Variants in PCMT1 observed in about 807,000 individuals in gnomAD.
PCMT1 encodes protein-L-isoaspartate (D-aspartate) O-methyltransferase.
PCMT1 carries 9 observed loss-of-function variants against 29.2 expected under a neutral mutation model. That is an observed-to-expected ratio of 0.31 (90% CI 0.19 to 0.54). The LOEUF (loss-of-function observed/expected upper bound fraction) is 0.54. Ranked by LOEUF, PCMT1 falls within the 20% of genes least tolerant of loss-of-function variation. The pLI is 0.95. For missense variants in PCMT1, 184 were observed against 282.2 expected, an observed-to-expected ratio of 0.65 and a Z score of 2.49; for synonymous variants, 98 against 97.5, an observed-to-expected ratio of 1.00 and a Z score of -0.03.
intron 6 of PCMT1, among the ~76,000 whole-genome samples, chr6:149,801,757 A>G (rs982589536): frequency 4.6e-5 from 7 of 152,060 alleles, no homozygotes; most frequent in Non-Finnish European, 8.8e-5. Context: ...CTTAATTTGT[A>G]TATACTAAAT....
At chr6:149,785,615 G>C (rs1439597561) in intron 3 of PCMT1, among the ~76,000 whole-genome samples, 57 of 152,038 alleles carry the variant, frequency 3.7e-4, no homozygotes, top group Non-Finnish European at 3.5e-4. Context: ...GACTCTTAAC[G>C]AGCACGCTGC....
In PCMT1 at chr6:149,749,820, G is replaced by A; in HGVS notation, c.-82G>A. On this transcript the variant is annotated 5_prime_UTR_variant, in exon 1 of 8. Coordinates refer to ENST00000464889, the MANE Select transcript of PCMT1 (RefSeq NM_001360452.2). ...CGAGCGGGGCGGTGACGGTGTGGGA[G>A]GTGGTCTCACTCTTGGGAAAACTGC... 1 of 1,558,224 alleles carries A rather than the reference G, an allele frequency of 6.4e-7. No individual in the cohort carries two copies. The highest frequency in any genetic ancestry group is 8.7e-7 in the Non-Finnish European group (1 of 1,150,430).
Position 149,796,459 on chromosome 6 carries a change from G to A in PCMT1, c.463G>A (p.Ala155Thr). Residue 155 changes from alanine to threonine, a missense_variant, in exon 6 of 8, where the codon GCC (alanine) becomes ACC (threonine). Physicochemically the swap from Ala to Thr is moderately conservative, Grantham distance 58 (BLOSUM62 0). Transcript: ENST00000464889. ...MGYAEEAPYD[A>T]IHVGAAAPVV... ...ATATGCTGAAGAAGCCCCTTATGATGCCATTCATGTGGGAGCTGCAGCCCC... is the reference window on the plus strand; with the variant it reads ...ATATGCTGAAGAAGCCCCTTATGATACCATTCATGTGGGAGCTGCAGCCCC... 1 of 1,613,826 alleles carries A rather than the reference G, an allele frequency of 6.2e-7. No individual in the cohort carries two copies.
intron 7 of PCMT1, among the ~76,000 whole-genome samples, chr6:149,808,566 T>C (rs969239287): frequency 6.6e-6 from 1 of 152,096 alleles, no homozygotes; most frequent in African/African-American, 2.4e-5. Flanking sequence ...GTACCTATGT[T>C]GTTGAGGGGG....
intron 1 of PCMT1, among the ~76,000 whole-genome samples, chr6:149,760,844 C>T (rs1484727665): frequency 6.6e-6 from 1 of 151,960 alleles, no homozygotes; most frequent in Non-Finnish European, 1.5e-5. Context: ...AGCAAGACTC[C>T]GTCTCAAAAA....
At chr6:149,798,232 A>C (rs1788694141) in intron 6 of PCMT1, 1 of 151,936 alleles carries the variant, frequency 6.6e-6, no homozygotes, top group Non-Finnish European at 1.5e-5. Context: ...GTATTAATAT[A>C]ATGTAGAAAA....
intron 7 of PCMT1, among the ~76,000 whole-genome samples, chr6:149,804,856 A>G (rs867143288): frequency 6.6e-6 from 1 of 151,988 alleles, no homozygotes; most frequent in African/African-American, 2.4e-5. Context: ...TTAACTTCAT[A>G]AAAAGGTTCC....
chr6:149,754,889 C>T (rs1445745073), intron 1 of PCMT1, among the ~76,000 whole-genome samples: 4 of 152,038 alleles, frequency 2.6e-5, no homozygotes, highest in African/African-American at 9.7e-5. Flanking sequence ...AATAATGGAC[C>T]CAAAGTGCAA....
At chr6:149,782,156 T>G (rs1787840437) in intron 3 of PCMT1, among the ~76,000 whole-genome samples, 1 of 152,186 alleles carries the variant, frequency 6.6e-6, no homozygotes, top group Admixed American at 6.5e-5. Context: ...ATGTATATAG[T>G]CACATGAAAC....
intron 5 of PCMT1, chr6:149,795,339 T>C: frequency 2.6e-6 from 1 of 389,094 alleles, no homozygotes; most frequent in Non-Finnish European, 5.0e-6. Flanking sequence ...GGAACAGCAG[T>C]AGAAACACTA....
chr6:149,802,468 G>T, intron 7 of PCMT1, 52 bp downstream of exon 7: 1 of 1,413,956 alleles, frequency 7.1e-7, no homozygotes, highest in South Asian at 1.8e-5. Context: ...GTTTTTGGTT[G>T]TCACCTTTAT....
intron 1 of PCMT1, among the ~76,000 whole-genome samples, chr6:149,767,368 C>G (rs551942572): frequency 1.3e-5 from 2 of 151,832 alleles, no homozygotes; most frequent in Non-Finnish European, 2.9e-5. Context: ...CCGTTCACTC[C>G]TTTTTATGGT....
intron 1 of PCMT1, among the ~76,000 whole-genome samples, chr6:149,764,946 C>T (rs1583013276): frequency 6.6e-6 from 1 of 150,586 alleles, no homozygotes; most frequent in East Asian, 2.0e-4. Context: ...GAGGCTGAGG[C>T]AGGAAAACGG....
At chr6:149,795,200 A>G (rs1788550472) in intron 5 of PCMT1, 1 of 364,256 alleles carries the variant, frequency 2.7e-6, no homozygotes, top group East Asian at 7.8e-5. Flanking sequence ...TCTCAAAAAA[A>G]AAAAAAAGAA....
chr6:149,750,546 G>C (rs1266028510), intron 1 of PCMT1, among the ~76,000 whole-genome samples: 7 of 152,136 alleles, frequency 4.6e-5, no homozygotes, highest in Non-Finnish European at 7.3e-5. Flanking sequence ...AATTTCTCGG[G>C]CGGCTGTCCA....
intron 7 of PCMT1, among the ~76,000 whole-genome samples, chr6:149,805,395 C>T (rs1215548945): frequency 6.6e-6 from 1 of 150,472 alleles, no homozygotes; most frequent in Admixed American, 6.6e-5. Flanking sequence ...AGATCGAGAC[C>T]ATCCTGGGTA....
chr6:149,789,895 T>C (rs1788284361), intron 3 of PCMT1, 59 bp from the exon 4 acceptor site: 1 of 1,149,186 alleles, frequency 8.7e-7, no homozygotes, highest in Non-Finnish European at 1.2e-6. Flanking sequence ...GGCAACTTTA[T>C]TTATATACCA....
chr6:149,795,152 C>G (rs1788547477), intron 5 of PCMT1: 1 of 307,672 alleles, frequency 3.3e-6, no homozygotes, highest in Admixed American at 4.8e-5. Context: ...GAGATCACGC[C>G]ATTGCACTCT....
chr6:149,759,102 C>T (rs1332037434), intron 1 of PCMT1, among the ~76,000 whole-genome samples: 1 of 152,106 alleles, frequency 6.6e-6, no homozygotes, highest in Non-Finnish European at 1.5e-5. Flanking sequence ...GTCTCAATCT[C>T]TTGACCTCGT....
Sources: gnomAD v4.1 joint callset for allele counts (sites outside exome capture counted in the v4.1 genomes callset) on GRCh38, gnomAD v4.1.1 for gene constraint, MANE v1.5 for transcripts, NCBI Gene and HGNC (gene_info 2026-07-23, HGNC 2026-07-21) for gene names.